The following ATP9B variants were observed in gnomAD, a reference collection of about 807,000 sequenced individuals.
ATP9B encodes probable phospholipid-transporting ATPase IIB.
In ATP9B, 110 loss-of-function variants were observed where a neutral mutation model predicts 146.1. That is an observed-to-expected ratio of 0.75 (90% CI 0.65 to 0.88). ATP9B has a LOEUF of 0.88. Among genes scored for constraint, ATP9B ranks in the 40% least tolerant of loss-of-function variants. The probability of loss-of-function intolerance (pLI) is 0.00; values close to 1 mark genes in which losing one functional copy is unlikely to be tolerated. For synonymous variants in ATP9B, 604 were observed against 569.7 expected, an observed-to-expected ratio of 1.06 and a Z score of -0.86; for missense variants, 1,499 against 1,496.4, an observed-to-expected ratio of 1.00 and a Z score of -0.03.
At chr18:79,365,853 T>C (rs1274386427) in intron 26 of ATP9B, among the ~76,000 whole-genome samples, 7 of 127,094 alleles carry the variant, frequency 5.5e-5, no homozygotes, top group African/African-American at 9.2e-5. Flanking sequence ...CGGGGACAGC[T>C]TGTGCGTGGA....
intron 12 of ATP9B, among the ~76,000 whole-genome samples, chr18:79,262,571 G>A (rs2096154144): frequency 6.6e-6 from 1 of 152,110 alleles, no homozygotes; most frequent in South Asian, 2.1e-4. Flanking sequence ...TCTGAATTTG[G>A]GGAAACAATT....
At chr18:79,285,098 T>C (rs574722202) in intron 13 of ATP9B, among the ~76,000 whole-genome samples, 2,010 of 151,612 alleles carry the variant, frequency 0.013, 17 homozygotes, top group Non-Finnish European at 0.022. Context: ...CATGTGTCTT[T>C]ATAGCAGCAT....
intron 13 of ATP9B, among the ~76,000 whole-genome samples, chr18:79,286,812 A>T (rs1158753034): frequency 6.6e-6 from 1 of 150,972 alleles, no homozygotes; most frequent in African/African-American, 2.4e-5. Flanking sequence ...TAATTTATTG[A>T]GAGTTTTTAG....
At chr18:79,159,216 A>G (rs771823407) in intron 7 of ATP9B, among the ~76,000 whole-genome samples, 19 of 150,722 alleles carry the variant, frequency 1.3e-4, no homozygotes, top group Non-Finnish European at 3.0e-5. Context: ...TGCTTGTTTA[A>G]AAAATCAGCT....
At chr18:79,272,405 T>C (rs1401874408) in intron 12 of ATP9B, among the ~76,000 whole-genome samples, 1 of 152,184 alleles carries the variant, frequency 6.6e-6, no homozygotes, top group African/African-American at 2.4e-5. Context: ...ACATCTGCAC[T>C]CCGGAGCCTT....
chr18:79,119,802 A>G lies in ATP9B; in HGVS notation c.558+6448A>G, dbSNP rs887918570. 6.6e-5 allele frequency among the ~76,000 whole-genome samples: 10 copies of G among 152,202 alleles called. No homozygotes were observed. The East Asian group carries it at 1.9e-3, about 29-fold the overall frequency. ...GATGAATAGTATGCTTTCTCTGTTT[A>G]TATGCATCTTAACCTTTGATTGAGC... On this transcript the variant is annotated intron_variant, in intron 4 of 29. Transcript: ENST00000426216.
At chr18:79,329,426 G>T (rs563984651) in intron 16 of ATP9B, 124 bp downstream of exon 16, 75 of 1,043,908 alleles carry the variant, frequency 7.2e-5, no homozygotes, top group South Asian at 3.2e-4. Context: ...TTACAGTTTT[G>T]TTTGTTTTTT....
Position 79,110,434 on chromosome 18 carries a change from A to G in ATP9B, c.373A>G (p.Lys125Glu). 6.2e-7 allele frequency: 1 copy of G among 1,613,070 alleles called. No individual in the cohort carries two copies. Among genetic ancestry groups the G allele is most frequent in the Non-Finnish European group, 8.5e-7 (1 of 1,179,304 alleles). The stretch of plus-strand genomic sequence containing the variant: ...CACAGTATGGCTTGGATGTCCTGAA[A>G]AGTGTGAAGAAAAACATCCCAGGAA... The part of the protein sequence containing the change: ...ARTVWLGCPE[K>E]CEEKHPRNSI... Residue 125 changes from lysine (K) to glutamate (E), a missense_variant, in exon 3 of 30, where the codon AAG becomes GAG. By Grantham distance (56) the Lys-to-Glu change is moderately conservative. Coordinates refer to ENST00000426216, the MANE Select transcript of ATP9B (RefSeq NM_198531.5).
rs73974507 is a variant in ATP9B at position 79,201,016 on chromosome 18, C to A, written c.955-5921C>A. 6.4e-3 allele frequency among the ~76,000 whole-genome samples: 976 copies of A among 152,298 alleles called. 12 individuals carry two copies. The highest frequency in any genetic ancestry group is 0.022 in the African/African-American group (896 of 41,550). ...GGGAATGGCTTCACCCCATGAGGCA[C>A]AAGACGTGTGCTGATGGCCTGGTGA... On this transcript the variant is annotated intron_variant, in intron 9 of 29. Transcript: ENST00000426216.
chr18:79,359,727 G>A (rs3744830), intron 26 of ATP9B: 55,100 of 407,472 alleles, frequency 0.14, 4,235 homozygotes, highest in Admixed American at 0.18. Context: ...AATTAGAATT[G>A]TAAAAGATAT....
chr18:79,328,577 T>C (rs980802004), intron 15 of ATP9B, among the ~76,000 whole-genome samples: 1 of 152,194 alleles, frequency 6.6e-6, no homozygotes, highest in African/African-American at 2.4e-5. Flanking sequence ...GTTCCGACTT[T>C]CACACTTGGG....
intron 11 of ATP9B, among the ~76,000 whole-genome samples, chr18:79,233,238 G>T (rs1012416840): frequency 1.3e-5 from 2 of 152,098 alleles, no homozygotes; most frequent in Non-Finnish European, 2.9e-5. Context: ...CTTTCAGTGA[G>T]CCGAGATCAT....
intron 11 of ATP9B, among the ~76,000 whole-genome samples, chr18:79,227,228 A>G (rs1209366809): frequency 6.6e-6 from 1 of 151,952 alleles, no homozygotes; most frequent in Non-Finnish European, 1.5e-5. Context: ...CTCATCTTGT[A>G]CTTTCTTTGC....
intron 11 of ATP9B, among the ~76,000 whole-genome samples, chr18:79,216,856 C>A (rs2095631446): frequency 6.6e-6 from 1 of 152,234 alleles, no homozygotes; most frequent in Non-Finnish European, 1.5e-5. Flanking sequence ...AGCTTTTCAA[C>A]CTGATGTAAA....
At chr18:79,097,425 A>C (rs1042445966) in intron 2 of ATP9B, among the ~76,000 whole-genome samples, 1 of 147,946 alleles carries the variant, frequency 6.8e-6, no homozygotes, top group African/African-American at 2.5e-5. Context: ...TCCTCTTCTT[A>C]ATTCTTCAGT....
chr18:79,234,698 T>C (rs1279210532), intron 11 of ATP9B, among the ~76,000 whole-genome samples: 1 of 151,760 alleles, frequency 6.6e-6, no homozygotes, highest in Non-Finnish European at 1.5e-5. Context: ...GGTGTGCTGC[T>C]GTAAGCATGC....
At chr18:79,356,390 T>G (rs943242850) in intron 25 of ATP9B, among the ~76,000 whole-genome samples, 1 of 152,164 alleles carries the variant, frequency 6.6e-6, no homozygotes, top group Non-Finnish European at 1.5e-5. Flanking sequence ...CACTCGGCAC[T>G]CCTGTCCAAA....
chr18:79,365,191 A>T (rs565747373), intron 26 of ATP9B, among the ~76,000 whole-genome samples: 11 of 152,228 alleles, frequency 7.2e-5, no homozygotes, highest in Non-Finnish European at 1.6e-4. Context: ...TTTTTAAAGT[A>T]GACAGAAGAT....
At chr18:79,321,744 T>C (rs1037321595) in intron 15 of ATP9B, among the ~76,000 whole-genome samples, 5 of 152,200 alleles carry the variant, frequency 3.3e-5, no homozygotes, top group African/African-American at 1.2e-4. Flanking sequence ...GCTAAACTGA[T>C]TTTTGTTATA....
Sources: allele counts gnomAD v4.1 joint callset (sites outside exome capture counted in the v4.1 genomes callset), GRCh38; gene constraint gnomAD v4.1.1; transcripts MANE v1.5; gene names NCBI Gene and HGNC (gene_info 2026-07-23, HGNC 2026-07-21).